The following OR1B1 variants were observed in gnomAD, a reference collection of about 807,000 sequenced individuals.
OR1B1 encodes olfactory receptor 1B1.
For missense variants in OR1B1, 414 were observed against 402.1 expected, an observed-to-expected ratio of 1.03 and a Z score of -0.25; for synonymous variants, 168 against 156.2, an observed-to-expected ratio of 1.08 and a Z score of -0.57.
downstream of OR1B1, among the ~76,000 whole-genome samples, chr9:122,628,369 A>G (rs1830160419): frequency 6.6e-6 from 1 of 152,186 alleles, no homozygotes; most frequent in African/African-American, 2.4e-5. Context: ...GAGGGTGCCC[A>G]GAGGTATGCT....
At chr9:122,629,022 C>A (rs1830172381) in exon 1 of OR1B1, 2 of 1,613,910 alleles carry the variant, frequency 1.2e-6, no homozygotes, top group African/African-American at 2.7e-5. Flanking sequence ...CCAGCATCCC[C>A]AGTCCAGCAA....
chr9:122,654,976 G>A, the OR1B1 span, among the ~76,000 whole-genome samples: 1 of 152,112 alleles, frequency 6.6e-6, no homozygotes, highest in Non-Finnish European at 1.5e-5. Context: ...TGTGGTGATG[G>A]ATTTGTTAAT....
upstream of OR1B1, among the ~76,000 whole-genome samples, chr9:122,634,546 G>T (rs1277423716): frequency 6.6e-6 from 1 of 151,858 alleles, no homozygotes; most frequent in African/African-American, 2.4e-5. Context: ...AATGCAGGGG[G>T]AACTGCCCCT....
chr9:122,629,329 A>G, exon 1 of OR1B1: 13 of 1,614,142 alleles, frequency 8.1e-6, no homozygotes, highest in Non-Finnish European at 1.1e-5. Context: ...TGTCTATCAC[A>G]GAGAGGCCAC....
At chr9:122,651,350 G>T in the OR1B1 span, among the ~76,000 whole-genome samples, 5 of 152,082 alleles carry the variant, frequency 3.3e-5, no homozygotes, top group Non-Finnish European at 7.4e-5. Flanking sequence ...CTAGCTATTC[G>T]AAACTACGTA....
chr9:122,648,159 A>G, the OR1B1 span, among the ~76,000 whole-genome samples: 1 of 152,242 alleles, frequency 6.6e-6, no homozygotes, highest in African/African-American at 2.4e-5. Context: ...AAAATCCTCA[A>G]TAAAATACTG....
At chr9:122,653,093 A>T in the OR1B1 span, among the ~76,000 whole-genome samples, 14 of 152,252 alleles carry the variant, frequency 9.2e-5, no homozygotes, top group Non-Finnish European at 1.2e-4. Flanking sequence ...TAAGTGTTTT[A>T]AATTGACCAA....
At chr9:122,635,115 T>C in the OR1B1 span, among the ~76,000 whole-genome samples, 2 of 152,282 alleles carry the variant, frequency 1.3e-5, no homozygotes, top group East Asian at 3.9e-4. Flanking sequence ...ATAGCTAAAA[T>C]ATGGAAACAA....
chr9:122,629,328 C>T (rs1481819084), exon 1 of OR1B1: 1 of 1,613,938 alleles, frequency 6.2e-7, no homozygotes, highest in Admixed American at 1.7e-5. Flanking sequence ...ATGTCTATCA[C>T]AGAGAGGCCA....
the OR1B1 span, among the ~76,000 whole-genome samples, chr9:122,655,786 C>T: frequency 6.6e-6 from 1 of 151,382 alleles, no homozygotes; most frequent in Admixed American, 6.6e-5. Context: ...CGTGGCGCAC[C>T]TTTACCTATG....
the OR1B1 span, among the ~76,000 whole-genome samples, chr9:122,648,431 G>T: frequency 6.6e-6 from 1 of 152,124 alleles, no homozygotes; most frequent in Non-Finnish European, 1.5e-5. Flanking sequence ...AGCTATTTAT[G>T]ACAAACCCAC....
At chr9:122,648,603 A>G in the OR1B1 span, among the ~76,000 whole-genome samples, 1 of 152,202 alleles carries the variant, frequency 6.6e-6, no homozygotes, top group Non-Finnish European at 1.5e-5. Context: ...CTATACGTCA[A>G]TAACAGACAA....
At chr9:122,628,526 A>G, downstream of OR1B1, 1 of 1,226,178 alleles carries the variant, frequency 8.2e-7, no homozygotes, top group Non-Finnish European at 1.2e-6. Flanking sequence ...AACTCTGCTC[A>G]GAATATGCCC....
chr9:122,645,620 G>T, the OR1B1 span, among the ~76,000 whole-genome samples: 1 of 152,128 alleles, frequency 6.6e-6, no homozygotes, highest in East Asian at 1.9e-4. Context: ...CCAGGAGAGA[G>T]TGGCATGATA....
the OR1B1 span, among the ~76,000 whole-genome samples, chr9:122,650,941 C>A: frequency 8.6e-5 from 13 of 151,940 alleles, no homozygotes; most frequent in African/African-American, 2.7e-4. Context: ...AGGAGAATGG[C>A]GTGAACCCGG....
chr9:122,650,178 T>C, the OR1B1 span, among the ~76,000 whole-genome samples: 1 of 151,984 alleles, frequency 6.6e-6, no homozygotes, highest in Non-Finnish European at 1.5e-5. Context: ...ATGTTCTCAC[T>C]CATAAGTGGG....
the OR1B1 span, among the ~76,000 whole-genome samples, chr9:122,651,473 C>A: frequency 3.3e-5 from 5 of 152,140 alleles, no homozygotes; most frequent in African/African-American, 1.2e-4. Flanking sequence ...CCTTCCTTCC[C>A]CCTAACCTTC....
chr9:122,630,213 T>C (rs1160389764), upstream of OR1B1, among the ~76,000 whole-genome samples: 3 of 152,230 alleles, frequency 2.0e-5, no homozygotes, highest in Non-Finnish European at 2.9e-5. Context: ...CGTGATCTTA[T>C]ATTTAGAAAA....
chr9:122,635,451 C>A, the OR1B1 span, among the ~76,000 whole-genome samples: 1,339 of 152,136 alleles, frequency 8.8e-3, 20 homozygotes, highest in African/African-American at 0.03. Context: ...TACTGTACAG[C>A]AAGAAGACAT....
Sources: gnomAD v4.1 joint callset for allele counts (sites outside exome capture counted in the v4.1 genomes callset) on GRCh38, gnomAD v4.1.1 for gene constraint, MANE v1.5 for transcripts, NCBI Gene and HGNC (gene_info 2026-07-23, HGNC 2026-07-21) for gene names.